Variants in TLE3 observed in about 807,000 individuals in gnomAD.
TLE3 encodes transducin-like enhancer protein 3.
Under a neutral mutation model 93.0 loss-of-function variants are expected in TLE3, and 14 were observed. The ratio of observed to expected loss-of-function variants is 0.15; its 90% confidence interval spans 0.10 to 0.24. The LOEUF (loss-of-function observed/expected upper bound fraction) is 0.24. Among genes scored for constraint, TLE3 ranks in the 10% least tolerant of loss-of-function variants. The pLI is 1.00. For synonymous variants in TLE3, 451 were observed against 425.0 expected (o/e 1.06, Z -0.75); for missense variants, 693 against 1,046.6 (o/e 0.66, Z 4.66).
At chr15:70,092,431 T>C (rs574028511) in intron 4 of TLE3, among the ~76,000 whole-genome samples, 5 of 152,064 alleles carry the variant, frequency 3.3e-5, no homozygotes, top group Non-Finnish European at 5.9e-5. Context: ...AGGGCAAAGG[T>C]GAGTGGCAAG....
At chr15:70,090,858 T>C (rs2058274608) in intron 4 of TLE3, among the ~76,000 whole-genome samples, 1 of 152,244 alleles carries the variant, frequency 6.6e-6, no homozygotes, top group African/African-American at 2.4e-5. Context: ...GATATGATTA[T>C]ACAACCCGAA....
intron 3 of TLE3, chr15:70,095,303 A>C (rs1238179431): frequency 7.4e-7 from 1 of 1,351,288 alleles, no homozygotes; most frequent in Admixed American, 3.5e-5. Context: ...GGAAACTTTC[A>C]AAACACAAAT....
Position 70,058,187 on chromosome 15 carries a change from C to G in TLE3, c.1023G>C (p.Pro341=). The part of the protein sequence containing the change: ...TSTTPGLRSM[P]GKPPGMDPIA... ...TCGGGTCCATGCCCGGAGGTTTACC[C>G]GGCATCGACCTGAGCCCTGGGGTCG... Residue 341 remains proline (P), a synonymous_variant, in exon 12 of 20, where the codon CCG becomes CCC. Transcript: ENST00000451782. This position sits in a 1 kb window ranked among gnomAD's most constrained non-coding sequence, Gnocchi z 4.1. 4 of 1,613,998 alleles carry G rather than the reference C, an allele frequency of 2.5e-6. No individual in the cohort carries two copies. The highest frequency in any genetic ancestry group is 3.4e-6 in the Non-Finnish European group (4 of 1,179,886).
At chr15:70,067,586 C>A (rs1255920566) in intron 6 of TLE3, among the ~76,000 whole-genome samples, 2 of 152,210 alleles carry the variant, frequency 1.3e-5, no homozygotes, top group Non-Finnish European at 2.9e-5. Context: ...CCAGATCTCA[C>A]ACCTTACTAA....
At chr15:70,078,600 C>T (rs550364586) in intron 4 of TLE3, among the ~76,000 whole-genome samples, 7 of 152,356 alleles carry the variant, frequency 4.6e-5, no homozygotes, top group East Asian at 3.9e-4. Context: ...TGGGCCTGCC[C>T]CAGCATGGGC....
chr15:70,084,883 G>A (rs1416214283), intron 4 of TLE3, among the ~76,000 whole-genome samples: 5 of 152,136 alleles, frequency 3.3e-5, no homozygotes, highest in Admixed American at 6.5e-5. Context: ...ACCTTGCTTC[G>A]GCCTTTCCAT....
At chr15:70,056,793 G>A (rs140835265) in intron 13 of TLE3, among the ~76,000 whole-genome samples, 6 of 152,114 alleles carry the variant, frequency 3.9e-5, no homozygotes, top group Non-Finnish European at 7.4e-5. Context: ...ATGGAGTCTC[G>A]CTCTGCCGCC....
intron 6 of TLE3, among the ~76,000 whole-genome samples, chr15:70,073,029 C>T (rs376023160): frequency 1.3e-5 from 2 of 152,198 alleles, no homozygotes; most frequent in Non-Finnish European, 2.9e-5. Context: ...TGCTTGCATC[C>T]CCCACCTGCC....
chr15:70,059,416 G>A lies in TLE3; in HGVS notation c.759C>T (p.Ser253=), dbSNP rs544102477. The change falls in exon 10 of 20, where the codon TCC becomes TCT. Residue 253 remains serine, a synonymous_variant. Coordinates refer to ENST00000451782, the MANE Select transcript of TLE3 (RefSeq NM_001105192.3). The stretch of plus-strand genomic sequence containing the variant: ...CGACCGGGCCTGCCCATACCTCATT[G>A]GAAACATCCACCACCAGATCATCAC... The part of the protein sequence containing the change: ...DKSDDLVVDV[S]NEDPATPRVS... The A allele has an allele frequency of 3.1e-6, 5 of 1,610,770 alleles. No homozygotes were observed. The highest frequency in any genetic ancestry group is 4.5e-5 in the East Asian group (2 of 44,802).
At chr15:70,093,032 G>A (rs1228918156) in intron 4 of TLE3, among the ~76,000 whole-genome samples, 2 of 152,146 alleles carry the variant, frequency 1.3e-5, no homozygotes, top group African/African-American at 4.8e-5. Context: ...AAACACCTGG[G>A]CCCCCAGTTC....
At position 70,097,469 on chromosome 15, in the gene TLE3, GC is replaced by G; in HGVS notation, c.-672del. 2.4e-6 allele frequency: 1 copy of G among 415,246 alleles called. No homozygotes were observed. The highest frequency in any genetic ancestry group is 4.2e-6 in the Non-Finnish European group (1 of 236,920). The allele number at this position is 415,246 out of a possible 1,614,324, so 25.7% of individuals were successfully genotyped here. A position where few individuals can be genotyped will look rare whatever the true frequency, so the allele number is the denominator to read the frequency against. ...TACTGCCGCTGCCGCCGCCGCCGCC[GC>G]CGCTGCAAGCCCTTCCCAGGGCCGG... is the stretch of plus-strand genomic sequence containing the variant. On this transcript the variant is annotated 5_prime_UTR_variant, in exon 1 of 20. Coordinates refer to ENST00000451782, the MANE Select transcript of TLE3 (RefSeq NM_001105192.3).
intron 4 of TLE3, among the ~76,000 whole-genome samples, chr15:70,093,811 T>C (rs1336644142): frequency 6.6e-6 from 1 of 152,332 alleles, no homozygotes; most frequent in East Asian, 1.9e-4. Context: ...CCACACTAGC[T>C]AAACTGGTTT....
In TLE3 at chr15:70,094,549, T is replaced by C. The variant is rs1170673026; in HGVS notation, c.217A>G (p.Ile73Val). ...GCACTTACCTGCTTGTGCATTTCAATGTTCAAGCCATAGGACATCTCATAG... is the reference window on the plus strand; with the variant it reads ...GCACTTACCTGCTTGTGCATTTCAACGTTCAAGCCATAGGACATCTCATAG... The part of the protein sequence containing the change: ...MYYEMSYGLN[I>V]EMHKQTEIAK... The change falls in exon 4 of 20, where the codon ATT (isoleucine) becomes GTT (valine). Residue 73 changes from isoleucine to valine, a missense_variant. Physicochemically the swap from Ile to Val is conservative, Grantham distance 29 (BLOSUM62 3). Transcript: ENST00000451782. 1.9e-6 allele frequency: 3 copies of C among 1,557,392 alleles called. No homozygotes were observed. In the East Asian group the frequency reaches 7.1e-5, roughly 37 times the overall value.
chr15:70,077,736 C>T (rs1040344286), intron 4 of TLE3, among the ~76,000 whole-genome samples: 1 of 152,248 alleles, frequency 6.6e-6, no homozygotes, highest in African/African-American at 2.4e-5. Context: ...GGAATCACTG[C>T]TGTCAGCTTT....
At chr15:70,089,670 A>G (rs963458718) in intron 4 of TLE3, among the ~76,000 whole-genome samples, 3 of 152,210 alleles carry the variant, frequency 2.0e-5, no homozygotes, top group African/African-American at 7.2e-5. Context: ...TACAAAAATG[A>G]GACGAGGAAT....
chr15:70,095,484 G>T (rs1370674781), intron 3 of TLE3, 94 bp downstream of exon 3: 2 of 1,546,632 alleles, frequency 1.3e-6, no homozygotes, highest in South Asian at 1.2e-5. Context: ...CTGGGCGGTG[G>T]TGGGGACCTG....
chr15:70,073,885 G>A (rs1018824979), intron 6 of TLE3, among the ~76,000 whole-genome samples: 2 of 152,082 alleles, frequency 1.3e-5, no homozygotes, highest in African/African-American at 4.8e-5. Flanking sequence ...TTCCACTAAG[G>A]GGCCAGTCCG....
intron 4 of TLE3, among the ~76,000 whole-genome samples, chr15:70,093,660 C>T (rs1437915449): frequency 6.6e-6 from 1 of 152,196 alleles, no homozygotes; most frequent in Non-Finnish European, 1.5e-5. Context: ...CACAAACAGG[C>T]CTCTCCCACA....
rs2056237755 is a variant in TLE3 at position 70,058,482 on chromosome 15, T to A, written c.918+181A>T. On this transcript the variant is annotated intron_variant, in intron 11 of 19. Coordinates refer to ENST00000451782, the MANE Select transcript of TLE3 (RefSeq NM_001105192.3). The surrounding 1 kb of genome is among the most constrained non-coding windows in gnomAD (Gnocchi z 4.1). ...GGTGATCACTCCCATTTTACAGACG[T>A]AGCAACCGAGGCTCAGAAACGTTAA... The A allele has an allele frequency of 7.8e-7, 1 of 1,286,306 alleles. No individual in the cohort carries two copies. The highest frequency in any genetic ancestry group is 1.1e-6 in the Non-Finnish European group (1 of 947,578). The allele number at this position is 1,286,306 out of a possible 1,614,324, so 79.7% of individuals were successfully genotyped here.
Sources: allele counts gnomAD v4.1 joint callset (sites outside exome capture counted in the v4.1 genomes callset), GRCh38; gene constraint gnomAD v4.1.1; non-coding constraint Gnocchi (gnomAD v3.1); transcripts MANE v1.5; gene names NCBI Gene and HGNC (gene_info 2026-07-23, HGNC 2026-07-21).